Variants in BTAF1 observed in about 807,000 individuals in gnomAD.
BTAF1 encodes TATA-binding protein-associated factor 172.
In BTAF1, 38 loss-of-function variants were observed where a neutral mutation model predicts 227.1. That is an observed-to-expected ratio of 0.17 (90% CI 0.13 to 0.22). The LOEUF is 0.22. Ranked by LOEUF, BTAF1 falls within the 10% of genes least tolerant of loss-of-function variation. BTAF1 has a pLI of 1.00. For missense variants in BTAF1, 1,598 were observed against 2,204.0 expected, an observed-to-expected ratio of 0.73 and a Z score of 5.51; for synonymous variants, 742 against 751.9, an observed-to-expected ratio of 0.99 and a Z score of 0.21.
Position 92,001,983 on chromosome 10 carries a change from TATACACACACAC to T in BTAF1, c.3660+4234_3660+4245del, listed in dbSNP as rs1276417208. Among the ~76,000 whole-genome samples, 426 of 89,330 alleles carry T rather than the reference TATACACACACAC, an allele frequency of 4.8e-3. 5 individuals are homozygous for T. Among genetic ancestry groups the T allele is most frequent in the African/African-American group, 0.014 (413 of 29,962 alleles). 58.6% of individuals were successfully genotyped at this position (89,330 alleles called of 152,430 possible). A position where few individuals can be genotyped will look rare whatever the true frequency, so the allele number is the denominator to read the frequency against. ...AAAAAAAAAACCATATATATATATA[TATACACACACAC>T]ACACACACACACACACACACTCCAT... On this transcript the variant is annotated intron_variant, in intron 25 of 37. Coordinates refer to ENST00000265990, the MANE Select transcript of BTAF1 (RefSeq NM_003972.3).
intron 14 of BTAF1, among the ~76,000 whole-genome samples, chr10:91,971,902 C>T (rs1411337853): frequency 6.6e-6 from 1 of 151,984 alleles, no homozygotes; most frequent in Non-Finnish European, 1.5e-5. Flanking sequence ...TATGTTTACA[C>T]CATCCATAAT....
At chr10:92,028,607 A>C (rs1015204985) in intron 37 of BTAF1, among the ~76,000 whole-genome samples, 183 bp from the exon 38 acceptor site, 1 of 152,152 alleles carries the variant, frequency 6.6e-6, no homozygotes, top group Non-Finnish European at 1.5e-5. Flanking sequence ...ATAATTTTGA[A>C]GTTCTTTCCA....
chr10:91,996,183 A>C (rs1206982864), intron 23 of BTAF1, among the ~76,000 whole-genome samples, 186 bp from the exon 24 acceptor site: 1 of 152,166 alleles, frequency 6.6e-6, no homozygotes, highest in African/African-American at 2.4e-5. Context: ...AAGAGTTGTA[A>C]TACATTAATT....
chr10:91,953,180 G>A (rs1045079756), intron 5 of BTAF1, among the ~76,000 whole-genome samples: 3 of 152,030 alleles, frequency 2.0e-5, no homozygotes, highest in South Asian at 2.1e-4. Flanking sequence ...GGCACAGAAG[G>A]GATTTTTAGG....
At position 91,992,255 on chromosome 10, in the gene BTAF1, A is replaced by G. The variant is rs1848840606; in HGVS notation, c.2991A>G (p.Gln997=). Residue 997 remains glutamine, a synonymous_variant, in exon 21 of 38, where the codon CAA becomes CAG. Coordinates refer to ENST00000265990, the MANE Select transcript of BTAF1 (RefSeq NM_003972.3). ...CTACCCCCAAAGCAGTAAAAGCTCA[A>G]ATAGCAGATCTTCCTGCAGGAAGTA... is the stretch of plus-strand genomic sequence containing the variant. ...RGPTPKAVKA[Q]IADLPAGSSG... is the part of the protein sequence containing the mutation. 3 of 1,613,890 alleles carry G rather than the reference A, an allele frequency of 1.9e-6. No homozygotes were observed. The highest frequency in any genetic ancestry group is 2.5e-6 in the Non-Finnish European group (3 of 1,179,960).
At chr10:91,995,129 TAGGAC>T (rs981040314) in intron 23 of BTAF1, among the ~76,000 whole-genome samples, 34 of 152,230 alleles carry the variant, frequency 2.2e-4, no homozygotes, top group Middle Eastern at 3.4e-3. Context: ...ACAAAAGAAT[TAGGAC>T]AGAGGGAGGA....
At chr10:92,018,967 T>A in intron 34 of BTAF1, 32 bp downstream of exon 34, 1 of 1,438,546 alleles carries the variant, frequency 7.0e-7, no homozygotes, top group Non-Finnish European at 9.2e-7. Flanking sequence ...TAAATGTGTG[T>A]TGTACCCCAG....
In BTAF1 at chr10:92,009,216, T is replaced by C. The variant is rs1197654873; in HGVS notation, c.4103+8T>C. ...TCCCACTGAAAGAATAAGGTAAGAG[T>C]TGTATGACAATAACAAAATATTTCA... On this transcript the variant is annotated splice_region_variant and intron_variant, in intron 28 of 37. Coordinates refer to ENST00000265990, the MANE Select transcript of BTAF1 (RefSeq NM_003972.3). 2.5e-6 allele frequency: 4 copies of C among 1,609,276 alleles called. No homozygotes were observed. The highest frequency in any genetic ancestry group is 3.4e-6 in the Non-Finnish European group (4 of 1,177,286).
Position 91,939,411 on chromosome 10 carries a change from A to T in BTAF1, c.139-541A>T, listed in dbSNP as rs574776765. The stretch of plus-strand genomic sequence containing the variant: ...AGTATGTAAAATGGGTGTTATTTTT[A>T]AAATGCACTTAAACATTCTTTTATT... On this transcript the variant is annotated intron_variant, in intron 2 of 37. Transcript: ENST00000265990. Among the ~76,000 whole-genome samples, 5 of 152,288 alleles carry T rather than the reference A, an allele frequency of 3.3e-5. No individual in the cohort carries two copies. The East Asian group carries it at 9.6e-4, about 29-fold the overall frequency.
At chr10:92,005,971 T>C (rs1463996161) in intron 25 of BTAF1, among the ~76,000 whole-genome samples, 1 of 151,922 alleles carries the variant, frequency 6.6e-6, no homozygotes, top group African/African-American at 2.4e-5. Context: ...TCTCCTGGAC[T>C]CAAGCGATCC....
intron 25 of BTAF1, among the ~76,000 whole-genome samples, chr10:91,999,161 T>G (rs1003110848): frequency 1.3e-5 from 2 of 152,158 alleles, no homozygotes; most frequent in African/African-American, 4.8e-5. Context: ...GAGTAAATAC[T>G]TAAGAATGAA....
intron 7 of BTAF1, 23 bp downstream of exon 7, chr10:91,956,680 T>C (rs772064929): frequency 6.2e-7 from 1 of 1,601,416 alleles, no homozygotes; most frequent in African/African-American, 1.3e-5. Flanking sequence ...GACTCTAAAG[T>C]ATCCATTAAA....
Position 91,993,762 on chromosome 10 carries a change from T to C in BTAF1, c.3114T>C (p.Phe1038=). The C allele has an allele frequency of 6.2e-7, 1 of 1,609,270 alleles. No homozygotes were observed. Reference sequence around the variant, plus strand: ...CTTTGACAACTATAGTAAAGCATTTTGGTGGTGAAATGGCAGTGAAGTTGC... The same window carrying C: ...CTTTGACAACTATAGTAAAGCATTTCGGTGGTGAAATGGCAGTGAAGTTGC... ...EFALTTIVKH[F]GGEMAVKLPH... The change falls in exon 22 of 38, where the codon TTT becomes TTC. Residue 1038 remains phenylalanine, a synonymous_variant. Transcript: ENST00000265990.
chr10:91,986,836 A>AT (rs1848424850), intron 19 of BTAF1, among the ~76,000 whole-genome samples: 1 of 151,228 alleles, frequency 6.6e-6, no homozygotes, highest in Admixed American at 6.6e-5. Context: ...TCTGGGAGAG[A>AT]CTTTTTTTCT....
At chr10:91,935,500 T>G (rs1844547846) in intron 1 of BTAF1, among the ~76,000 whole-genome samples, 157 bp from the exon 2 acceptor site, 1 of 152,238 alleles carries the variant, frequency 6.6e-6, no homozygotes, top group Admixed American at 6.5e-5. Flanking sequence ...CATTTATCTT[T>G]CTGTGTCTGG....
intron 16 of BTAF1, 80 bp downstream of exon 16, chr10:91,981,872 A>G: frequency 1.4e-6 from 2 of 1,460,196 alleles, no homozygotes; most frequent in South Asian, 2.9e-5. Flanking sequence ...AAAAATCTGT[A>G]TTGCCTTAAG....
chr10:92,008,025 A>T, intron 25 of BTAF1, 98 bp from the exon 26 acceptor site: 1 of 1,155,682 alleles, frequency 8.7e-7, no homozygotes, highest in Non-Finnish European at 1.2e-6. Flanking sequence ...TACAATTTTC[A>T]GAATTCTTTT....
At chr10:91,949,701 A>C (rs1333146565) in intron 4 of BTAF1, among the ~76,000 whole-genome samples, 1 of 152,178 alleles carries the variant, frequency 6.6e-6, no homozygotes, top group Non-Finnish European at 1.5e-5. Flanking sequence ...TCATAGGTCA[A>C]CCAGAGATTT....
intron 25 of BTAF1, among the ~76,000 whole-genome samples, chr10:92,007,283 A>G (rs888433754): frequency 2.8e-5 from 4 of 142,568 alleles, no homozygotes; most frequent in African/African-American, 1.1e-4. Flanking sequence ...CCGTGGCACA[A>G]TCTCAGCTCA....
Sources: gnomAD v4.1 joint callset for allele counts (sites outside exome capture counted in the v4.1 genomes callset) on GRCh38, gnomAD v4.1.1 for gene constraint, MANE v1.5 for transcripts, NCBI Gene and HGNC (gene_info 2026-07-23, HGNC 2026-07-21) for gene names.